The following SLC4A4 variants were observed in gnomAD, a reference collection of about 807,000 sequenced individuals.
SLC4A4 encodes electrogenic sodium bicarbonate cotransporter 1.
In SLC4A4, 27 loss-of-function variants were observed where a neutral mutation model predicts 111.5. The observed-to-expected ratio is 0.24, with a 90% CI of 0.18 to 0.33. The LOEUF is 0.33. SLC4A4 is among the 10% of genes least tolerant of loss of function. The pLI is 1.00. For missense variants in SLC4A4, 909 were observed against 1,315.5 expected (o/e 0.69, Z 4.78); for synonymous variants, 443 against 463.4 (o/e 0.96, Z 0.57).
chr4:71,519,134 T>A (rs576330839), intron 16 of SLC4A4, among the ~76,000 whole-genome samples: 6 of 152,236 alleles, frequency 3.9e-5, no homozygotes, highest in Non-Finnish European at 8.8e-5. Flanking sequence ...TTTTAATCAG[T>A]GCCTAGTTGT....
At chr4:71,171,759 A>T (rs532653404) in intron 2 of SLC4A4, among the ~76,000 whole-genome samples, 26 of 152,258 alleles carry the variant, frequency 1.7e-4, no homozygotes, top group Middle Eastern at 3.4e-3. Flanking sequence ...CTACTTGATT[A>T]CTCTGGTCTT....
At position 71,255,220 on chromosome 4, in the gene SLC4A4, G is replaced by A; in HGVS notation, c.74G>A (p.Gly25Asp). 2 of 1,613,106 alleles carry A rather than the reference G, an allele frequency of 1.2e-6. No individual in the cohort carries two copies. Among genetic ancestry groups the A allele is most frequent in the Non-Finnish European group, 1.7e-6 (2 of 1,179,290 alleles). The change falls in exon 3 of 26, where the codon GGC (glycine) becomes GAC (aspartate). Residue 25 changes from glycine (G) to aspartate (D), a missense_variant and splice_region_variant. Physicochemically the swap from Gly to Asp is moderately conservative, Grantham distance 94. This residue lies in a region of SLC4A4 where 117 missense variants were observed against 154.2 expected (regional missense o/e 0.76). Transcript: ENST00000264485. ...CTGGTGATTTGTGTACCTTCCTTAGGCCACCATACCATTTACATCGGAGTC... is the reference window on the plus strand; with the variant it reads ...CTGGTGATTTGTGTACCTTCCTTAGACCACCATACCATTTACATCGGAGTC... ...KHVCDEEEVE[G>D]HHTIYIGVHV...
chr4:71,202,544 T>C (rs958054741), intron 1 of SLC4A4, among the ~76,000 whole-genome samples: 1 of 152,192 alleles, frequency 6.6e-6, no homozygotes, highest in Admixed American at 6.5e-5. Context: ...TGAACATGTC[T>C]TCTGTTTGTA....
At chr4:71,349,593 A>C (rs977674674) in intron 4 of SLC4A4, among the ~76,000 whole-genome samples, 4 of 152,134 alleles carry the variant, frequency 2.6e-5, no homozygotes, top group African/African-American at 4.8e-5. Context: ...ATATTTTTCT[A>C]CCTTATTAAA....
At chr4:71,490,543 A>G (rs541588172) in intron 15 of SLC4A4, among the ~76,000 whole-genome samples, 1 of 151,848 alleles carries the variant, frequency 6.6e-6, no homozygotes, top group South Asian at 2.1e-4. Context: ...TAGCCTTCAG[A>G]TGGCAGATAC....
In SLC4A4 at chr4:71,571,107, G is replaced by A. The variant is rs1417712097; in HGVS notation, c.*3356G>A. On this transcript the variant is annotated 3_prime_UTR_variant, in exon 26 of 26. Coordinates refer to ENST00000264485, the MANE Select transcript of SLC4A4 (RefSeq NM_001098484.3). ...CAACTGTATACTGGTGTTTAATAGAGAATGATTGTCTTCCGAGTTTTTTGG... is the reference window on the plus strand; with the variant it reads ...CAACTGTATACTGGTGTTTAATAGAAAATGATTGTCTTCCGAGTTTTTTGG... The A allele has an allele frequency of 2.6e-5, 4 of 152,238 alleles. No homozygotes were observed. Among genetic ancestry groups the A allele is most frequent in the African/African-American group, 4.8e-5 (2 of 41,384 alleles). The allele number at this position is 152,238 out of a possible 1,614,324, so 9.4% of individuals were successfully genotyped here.
intron 3 of SLC4A4, among the ~76,000 whole-genome samples, chr4:71,299,675 A>T (rs1239214394): frequency 6.6e-6 from 1 of 152,122 alleles, no homozygotes; most frequent in Non-Finnish European, 1.5e-5. Flanking sequence ...CGTTGTGGAG[A>T]GGGCAGGGGG....
intron 16 of SLC4A4, among the ~76,000 whole-genome samples, chr4:71,512,215 C>T (rs1731993873): frequency 6.6e-6 from 1 of 152,128 alleles, no homozygotes. Context: ...TCCATAGTGA[C>T]TGTGGTAGTC....
intron 9 of SLC4A4, among the ~76,000 whole-genome samples, chr4:71,448,527 C>T (rs778864199): frequency 7.2e-4 from 109 of 151,852 alleles, no homozygotes; most frequent in Non-Finnish European, 1.4e-3. Flanking sequence ...TTTCTTATTT[C>T]GTGGGAAGGA....
At chr4:71,434,729 A>G (rs1207931324) in intron 7 of SLC4A4, 1 of 152,134 alleles carries the variant, frequency 6.6e-6, no homozygotes, top group East Asian at 1.9e-4. Context: ...AAGTCTCAGG[A>G]TACAAAATCA....
chr4:71,565,734 TAACA>T (rs1308586391), intron 24 of SLC4A4, among the ~76,000 whole-genome samples: 1 of 151,798 alleles, frequency 6.6e-6, no homozygotes, highest in African/African-American at 2.4e-5. Flanking sequence ...CAAATCTCTG[TAACA>T]AACATTCTTG....
chr4:71,544,430 G>T (rs1273576476), intron 18 of SLC4A4, among the ~76,000 whole-genome samples: 1 of 151,838 alleles, frequency 6.6e-6, no homozygotes, highest in Non-Finnish European at 1.5e-5. Context: ...CCAAGCATGA[G>T]AGAGATTAAA....
At chr4:71,503,547 C>T (rs1441877466) in intron 16 of SLC4A4, among the ~76,000 whole-genome samples, 1 of 152,058 alleles carries the variant, frequency 6.6e-6, no homozygotes. Flanking sequence ...CTGATAACAA[C>T]TTAACTTTGG....
rs76759083 is a variant in SLC4A4 at position 71,282,073 on chromosome 4, C to G, written c.253+26674C>G. ...GAACATTTACTTCTTTTTAGTGAAC[C>G]CTGTTAAAAAAAACCTTGAGAAGTT... On this transcript the variant is annotated intron_variant, in intron 3 of 25. Coordinates refer to ENST00000264485, the MANE Select transcript of SLC4A4 (RefSeq NM_001098484.3). 5.2e-3 allele frequency among the ~76,000 whole-genome samples: 776 copies of G among 150,450 alleles called. 6 individuals carry two copies. The highest frequency in any genetic ancestry group is 6.8e-3 in the Non-Finnish European group (463 of 67,664).
At chr4:71,396,818 A>G (rs368185951) in intron 6 of SLC4A4, among the ~76,000 whole-genome samples, 12 of 152,286 alleles carry the variant, frequency 7.9e-5, no homozygotes, top group Middle Eastern at 6.8e-3. Flanking sequence ...CCATATTGAC[A>G]GCTGCTATAT....
intron 2 of SLC4A4, among the ~76,000 whole-genome samples, chr4:71,247,441 C>T (rs1337282136): frequency 6.6e-6 from 1 of 151,590 alleles, no homozygotes; most frequent in Non-Finnish European, 1.5e-5. Context: ...TCTATAGCAA[C>T]CAAGGACCCT....
intron 3 of SLC4A4, among the ~76,000 whole-genome samples, chr4:71,274,554 C>A (rs971877267): frequency 6.6e-6 from 1 of 152,192 alleles, no homozygotes; most frequent in African/African-American, 2.4e-5. Flanking sequence ...GTCAGAAGTG[C>A]AGTTCCCAAA....
chr4:71,085,488 T>C (rs1742135523), intron 1 of SLC4A4, among the ~76,000 whole-genome samples: 1 of 152,108 alleles, frequency 6.6e-6, no homozygotes, highest in Admixed American at 6.5e-5. Flanking sequence ...CCCATGCCTA[T>C]GTACTGAATG....
intron 15 of SLC4A4, among the ~76,000 whole-genome samples, chr4:71,496,260 G>C (rs1414872463): frequency 1.3e-5 from 2 of 152,006 alleles, no homozygotes; most frequent in Non-Finnish European, 2.9e-5. Flanking sequence ...TGGTTGACTG[G>C]TAATTCAAGT....
Sources: gnomAD v4.1 joint callset for allele counts (sites outside exome capture counted in the v4.1 genomes callset) on GRCh38, gnomAD v4.1.1 for gene constraint, gnomAD v4.1.1 regional missense constraint, MANE v1.5 for transcripts, NCBI Gene and HGNC (gene_info 2026-07-23, HGNC 2026-07-21) for gene names.